Variants in PARVA observed in about 807,000 individuals in gnomAD.
PARVA encodes the protein parvin alpha.
In PARVA, 25 loss-of-function variants were observed where a neutral mutation model predicts 52.6. The observed-to-expected ratio is 0.48, with a 90% CI of 0.35 to 0.66. The LOEUF is 0.66. PARVA is among the 30% of genes least tolerant of loss of function. The pLI, the probability that PARVA is intolerant of heterozygous loss-of-function variation, is 0.01. For synonymous variants in PARVA, 185 were observed against 179.1 expected (o/e 1.03, Z -0.26); for missense variants, 373 against 450.9 (o/e 0.83, Z 1.56).
intron 1 of PARVA, among the ~76,000 whole-genome samples, chr11:12,425,269 G>A (rs1410813006): frequency 6.6e-6 from 1 of 152,182 alleles, no homozygotes; most frequent in East Asian, 1.9e-4. Context: ...ACTGCTGAAT[G>A]TAAACCACCT....
intron 1 of PARVA, among the ~76,000 whole-genome samples, chr11:12,393,510 A>G (rs79968627): frequency 0.025 from 3,796 of 152,132 alleles, 93 homozygotes; most frequent in African/African-American, 0.068. Flanking sequence ...TGTCTTCCAC[A>G]TGGTCATTCA....
intron 4 of PARVA, among the ~76,000 whole-genome samples, chr11:12,481,247 G>A (rs948824541): frequency 4.6e-5 from 7 of 152,052 alleles, no homozygotes; most frequent in African/African-American, 1.7e-4. Context: ...TTATTAACTG[G>A]AATTCTAAAA....
intron 5 of PARVA, 92 bp downstream of exon 5, chr11:12,496,690 G>A (rs12223547): frequency 7.6e-7 from 1 of 1,307,526 alleles, no homozygotes; most frequent in Non-Finnish European, 1.0e-6. Context: ...AGCTTGGCAG[G>A]CTTCAGGGGA....
intron 1 of PARVA, among the ~76,000 whole-genome samples, chr11:12,383,601 C>T (rs1939525043): frequency 6.6e-6 from 1 of 152,178 alleles, no homozygotes; most frequent in African/African-American, 2.4e-5. Context: ...GTGAGTAGAA[C>T]CCTTAGCACT....
chr11:12,454,114 C>G lies in PARVA; in HGVS notation c.137-19631C>G, dbSNP rs960139108. On this transcript the variant is annotated intron_variant, in intron 1 of 12. Coordinates refer to ENST00000334956, the MANE Select transcript of PARVA (RefSeq NM_018222.5). ...GAGGGATCCAGAGGTCACAAGCAAC[C>G]CCTGGAGGCTCCTCAGCAGAGCTGG... Among the ~76,000 whole-genome samples the G allele has an allele frequency of 2.0e-5, 3 of 152,282 alleles. No homozygotes were observed. The East Asian group carries it at 5.8e-4, about 29-fold the overall frequency.
At chr11:12,527,644 G>T (rs1941720596) in intron 12 of PARVA, among the ~76,000 whole-genome samples, 2 of 152,254 alleles carry the variant, frequency 1.3e-5, no homozygotes, top group South Asian at 4.2e-4. Flanking sequence ...GGGAGGGTCA[G>T]GCCTTCTTAT....
chr11:12,481,476 C>T (rs1249114980), intron 4 of PARVA, among the ~76,000 whole-genome samples: 2 of 151,798 alleles, frequency 1.3e-5, no homozygotes, highest in African/African-American at 2.4e-5. Flanking sequence ...TCATAAGATA[C>T]TCCAAGACCA....
intron 1 of PARVA, among the ~76,000 whole-genome samples, chr11:12,466,869 A>T (rs1359947818): frequency 1.3e-5 from 2 of 152,178 alleles, no homozygotes; most frequent in Admixed American, 1.3e-4. Context: ...TGGCTACTCT[A>T]GGTCTCTCGC....
In PARVA at chr11:12,508,451, T is replaced by C. The variant is rs972520610; in HGVS notation, c.658-133T>C. 6 of 709,894 alleles carry C rather than the reference T, an allele frequency of 8.5e-6. No homozygotes were observed. The African/African-American group carries it at 1.1e-4, about 13-fold the overall frequency. 44.0% of individuals were successfully genotyped at this position (709,894 alleles called of 1,614,324 possible). A position where few individuals can be genotyped will look rare whatever the true frequency, so the allele number is the denominator to read the frequency against. The stretch of plus-strand genomic sequence containing the variant: ...CAGGACCTCCTTTCACTTCCAGCAT[T>C]ATCTTATCTTGGGTGCATTTCTTAA... On this transcript the variant is annotated intron_variant, in intron 6 of 12. Transcript: ENST00000334956.
chr11:12,490,160 G>A (rs1941215210), intron 4 of PARVA, among the ~76,000 whole-genome samples: 1 of 148,606 alleles, frequency 6.7e-6, no homozygotes, highest in Admixed American at 6.8e-5. Context: ...AGCTTGCCGT[G>A]AGCCGAGATC....
intron 4 of PARVA, among the ~76,000 whole-genome samples, chr11:12,484,539 G>C (rs1941132896): frequency 8.1e-6 from 1 of 123,852 alleles, no homozygotes; most frequent in Non-Finnish European, 1.8e-5. Context: ...GTGTGTGTGT[G>C]TGTGTGTGTG....
chr11:12,483,662 G>T (rs545788390), intron 4 of PARVA, among the ~76,000 whole-genome samples: 1 of 152,324 alleles, frequency 6.6e-6, no homozygotes, highest in East Asian at 1.9e-4. Flanking sequence ...GTCTGTAGCT[G>T]CAGATGAATG....
rs1339308401 is a variant in PARVA, at chr11:12,477,874, T to C, written c.325T>C (p.Leu109=). The change falls in exon 4 of 13, where the codon TTG becomes CTG. Residue 109 remains leucine (L), a synonymous_variant. Coordinates refer to ENST00000334956, the MANE Select transcript of PARVA (RefSeq NM_018222.5). The part of the protein sequence containing the change: ...KVLIDWINDV[L]VGERIIVKDL... Reference sequence around the variant, plus strand: ...ATTAATTGACTGGATTAATGATGTGTTGGTTGGAGAAAGAATCATTGTGAA... The same window carrying C: ...ATTAATTGACTGGATTAATGATGTGCTGGTTGGAGAAAGAATCATTGTGAA... The C allele has an allele frequency of 1.2e-6, 2 of 1,601,774 alleles. No individual in the cohort carries two copies. The highest frequency in any genetic ancestry group is 8.6e-7 in the Non-Finnish European group (1 of 1,168,950).
chr11:12,501,200 T>A (rs1210206405), intron 5 of PARVA, among the ~76,000 whole-genome samples: 1 of 152,140 alleles, frequency 6.6e-6, no homozygotes, highest in Non-Finnish European at 1.5e-5. Flanking sequence ...CACATGTTTG[T>A]GTGTGTATAT....
At chr11:12,492,916 G>T (rs568679023) in intron 4 of PARVA, among the ~76,000 whole-genome samples, 1 of 152,098 alleles carries the variant, frequency 6.6e-6, no homozygotes, top group South Asian at 2.1e-4. Flanking sequence ...TGTATGTCAA[G>T]TTATAAGTCA....
At position 12,436,174 on chromosome 11, in the gene PARVA, G is replaced by A. The variant is rs190160272; in HGVS notation, c.137-37571G>A. Among the ~76,000 whole-genome samples the A allele has an allele frequency of 3.9e-3, 590 of 152,208 alleles. 5 individuals carry two copies. The highest frequency in any genetic ancestry group is 0.014 in the African/African-American group (568 of 41,522). On this transcript the variant is annotated intron_variant, in intron 1 of 12. Transcript: ENST00000334956. ...AATATCTCCCTCTTCTGAGGATTAG[G>A]GATAATGTGCATATTAGGAACATAC... is the stretch of plus-strand genomic sequence containing the variant.
intron 4 of PARVA, among the ~76,000 whole-genome samples, chr11:12,492,224 T>C (rs539425181): frequency 5.3e-5 from 8 of 152,182 alleles, no homozygotes; most frequent in African/African-American, 1.4e-4. Flanking sequence ...TTGTTTTCTA[T>C]ATATAATCTC....
chr11:12,413,289 C>T (rs535263646), intron 1 of PARVA, among the ~76,000 whole-genome samples: 14 of 152,144 alleles, frequency 9.2e-5, no homozygotes, highest in Non-Finnish European at 1.9e-4. Context: ...TTCCAATCAC[C>T]CAAACATGCC....
chr11:12,399,192 A>G (rs969755112), intron 1 of PARVA, among the ~76,000 whole-genome samples: 4 of 152,226 alleles, frequency 2.6e-5, no homozygotes, highest in Non-Finnish European at 5.9e-5. Context: ...ATAGCAGTCC[A>G]CTGACATTTA....
Sources: gnomAD v4.1 joint callset for allele counts (sites outside exome capture counted in the v4.1 genomes callset) on GRCh38, gnomAD v4.1.1 for gene constraint, MANE v1.5 for transcripts, NCBI Gene and HGNC (gene_info 2026-07-23, HGNC 2026-07-21) for gene names.